Variants in AP3D1 observed in about 807,000 individuals in gnomAD.
AP3D1 encodes AP-3 complex subunit delta-1.
A neutral mutation model predicts 147.6 loss-of-function variants in AP3D1; 51 were observed. The observed-to-expected ratio is 0.35, with a 90% CI of 0.28 to 0.44. AP3D1 has a LOEUF of 0.44. Among genes scored for constraint, AP3D1 ranks in the 20% least tolerant of loss-of-function variants. The probability of loss-of-function intolerance (pLI) is 1.00; values close to 1 mark genes in which losing one functional copy is unlikely to be tolerated. For missense variants in AP3D1, 1,421 were observed against 1,624.2 expected (o/e 0.87, Z 2.15); for synonymous variants, 760 against 663.0 (o/e 1.15, Z -2.25).
At chr19:2,123,586 T>A (rs2018668663) in intron 10 of AP3D1, among the ~76,000 whole-genome samples, 180 bp from the exon 11 acceptor site, 1 of 152,094 alleles carries the variant, frequency 6.6e-6, no homozygotes, top group Non-Finnish European at 1.5e-5. Flanking sequence ...AGGGAGGCCC[T>A]GCTTCCCACG....
chr19:2,115,996 C>T (rs748347255), intron 18 of AP3D1, among the ~76,000 whole-genome samples: 5 of 152,244 alleles, frequency 3.3e-5, no homozygotes, highest in Admixed American at 6.5e-5. Flanking sequence ...GGCTGCCAGG[C>T]GCAGGGAACA....
intron 1 of AP3D1, among the ~76,000 whole-genome samples, chr19:2,157,480 C>T (rs1325552578): frequency 1.3e-5 from 2 of 148,882 alleles, no homozygotes; most frequent in African/African-American, 5.1e-5. Context: ...AAACATCTAC[C>T]CCACCTATCC....
At chr19:2,120,406 CGCAGGCAGGCTGGGGCTGA>C (rs1466752819) in intron 14 of AP3D1, among the ~76,000 whole-genome samples, 1 of 151,966 alleles carries the variant, frequency 6.6e-6, no homozygotes, top group African/African-American at 2.4e-5. Context: ...AGGGGCCTGG[CGCAGGCAGGCTGGGGCTGA>C]GCAGGTGCCT....
At chr19:2,158,778 C>T (rs1907979358) in intron 1 of AP3D1, among the ~76,000 whole-genome samples, 2 of 152,230 alleles carry the variant, frequency 1.3e-5, no homozygotes, top group African/African-American at 2.4e-5. Context: ...AATCTCCTTG[C>T]TAATCTGTTA....
At chr19:2,153,051 C>T (rs1599504271), upstream of AP3D1, among the ~76,000 whole-genome samples, 2 of 145,752 alleles carry the variant, frequency 1.4e-5, no homozygotes, top group African/African-American at 5.1e-5. Flanking sequence ...AGTCAGACAC[C>T]CATCTTAAAA....
chr19:2,134,284 G>A (rs2019022220), intron 4 of AP3D1, among the ~76,000 whole-genome samples: 2 of 151,904 alleles, frequency 1.3e-5, no homozygotes, highest in African/African-American at 4.8e-5. Flanking sequence ...AGCCAGGTGT[G>A]GTGGTGTATG....
chr19:2,105,571 G>A (rs1003777275), intron 31 of AP3D1, among the ~76,000 whole-genome samples: 1 of 152,216 alleles, frequency 6.6e-6, no homozygotes, highest in African/African-American at 2.4e-5. Flanking sequence ...GCTAATGACT[G>A]GCTTGCTGTT....
intron 9 of AP3D1, 107 bp from the exon 10 acceptor site, chr19:2,123,986 A>G: frequency 1.6e-6 from 2 of 1,256,112 alleles, no homozygotes; most frequent in Non-Finnish European, 2.3e-6. Context: ...GAGGGATGGG[A>G]GGGAGGACAG....
intron 11 of AP3D1, 60 bp downstream of exon 11, chr19:2,123,298 C>T: frequency 1.3e-6 from 2 of 1,535,656 alleles, no homozygotes; most frequent in Non-Finnish European, 1.8e-6. Context: ...ACTAGGAGGA[C>T]CCCTAACTTC....
In AP3D1 at chr19:2,123,866, C is replaced by G; in HGVS notation, c.870G>C (p.Leu290=). The part of the protein sequence containing the change: ...VNTVIAVLIS[L]SSGMPNHSAS... ...CGCTGTGGTTGGGCATGCCGGAGGA[C>G]AGCGAGATGAGCACTGCAACAGACA... Residue 290 remains leucine, a synonymous_variant, in exon 10 of 32, where the codon CTG becomes CTC. Transcript: ENST00000643116. The G allele has an allele frequency of 6.3e-7, 1 of 1,578,006 alleles. No individual in the cohort carries two copies. The highest frequency in any genetic ancestry group is 8.6e-7 in the Non-Finnish European group (1 of 1,162,134).
chr19:2,101,899 C>G lies in AP3D1; in HGVS notation c.*274G>C, dbSNP rs972283869. 3 of 450,894 alleles carry G rather than the reference C, an allele frequency of 6.7e-6. No individual in the cohort carries two copies. The highest frequency in any genetic ancestry group is 6.1e-5 in the African/African-American group (3 of 49,080). 27.9% of individuals were successfully genotyped at this position (450,894 alleles called of 1,614,324 possible). A position where few individuals can be genotyped will look rare whatever the true frequency, so the allele number is the denominator to read the frequency against. Reference sequence around the variant, plus strand: ...CAAGGACTCGGCCCCCAGCGCGGGGCAGGGCACAGACCCAGGTGGGGGAGT... The same window carrying G: ...CAAGGACTCGGCCCCCAGCGCGGGGGAGGGCACAGACCCAGGTGGGGGAGT... On this transcript the variant is annotated 3_prime_UTR_variant, in exon 32 of 32. Transcript: ENST00000643116.
intron 31 of AP3D1, among the ~76,000 whole-genome samples, chr19:2,106,816 G>A (rs1186205979): frequency 2.6e-5 from 4 of 152,184 alleles, no homozygotes; most frequent in East Asian, 1.9e-4. Context: ...GATACATTCC[G>A]TGTGGTTCCA....
At position 2,114,420 on chromosome 19, in the gene AP3D1, C is replaced by G. The variant is rs1034849767; in HGVS notation, c.2424-118G>C. 11 of 842,818 alleles carry G rather than the reference C, an allele frequency of 1.3e-5. No individual in the cohort carries two copies. The African/African-American group carries it at 1.7e-4, about 13-fold the overall frequency. 52.2% of individuals were successfully genotyped at this position (842,818 alleles called of 1,614,324 possible). On this transcript the variant is annotated intron_variant, in intron 21 of 31. Transcript: ENST00000643116. ...GGACCTGCTCCTCCAGCCCCTGGCCCCAGCCATGGCCCAACATAGATCTAC... is the reference window on the plus strand; with the variant it reads ...GGACCTGCTCCTCCAGCCCCTGGCCGCAGCCATGGCCCAACATAGATCTAC...
chr19:2,103,982 C>T (rs555441788), intron 31 of AP3D1, among the ~76,000 whole-genome samples: 1 of 152,036 alleles, frequency 6.6e-6, no homozygotes, highest in East Asian at 1.9e-4. Context: ...AACACCAAGA[C>T]ACTAACACCC....
At chr19:2,143,538 C>A (rs1407337748) in intron 1 of AP3D1, among the ~76,000 whole-genome samples, 1 of 151,998 alleles carries the variant, frequency 6.6e-6, no homozygotes, top group Non-Finnish European at 1.5e-5. Context: ...CCGTGCCAGG[C>A]CAAGCCTGCC....
chr19:2,151,167 C>A, intron 1 of AP3D1, 72 bp downstream of exon 1: 1 of 1,442,212 alleles, frequency 6.9e-7, no homozygotes. Flanking sequence ...CCGAGCAGGC[C>A]CAGTGAGCAG....
rs555353671 is a variant in AP3D1, at chr19:2,151,491, G to A, written c.-157C>T. ...GCGGCGGCGGGGTCCAAGGACCGCG[G>A]CAGAGGCGGCGACCCGCTCGGCAGG... On this transcript the variant is annotated 5_prime_UTR_variant, in exon 1 of 32. Coordinates refer to ENST00000643116, the MANE Select transcript of AP3D1 (RefSeq NM_001261826.3). The A allele has an allele frequency of 1.3e-5, 3 of 230,620 alleles. No individual in the cohort carries two copies. The highest frequency in any genetic ancestry group is 3.5e-4 in the East Asian group (2 of 5,784). The allele number at this position is 230,620 out of a possible 1,614,324, so 14.3% of individuals were successfully genotyped here.
chr19:2,122,341 C>G (rs1267102880), intron 11 of AP3D1, among the ~76,000 whole-genome samples: 1 of 152,230 alleles, frequency 6.6e-6, no homozygotes, highest in Non-Finnish European at 1.5e-5. Context: ...ATGCCACAAC[C>G]TAAGCCAGGG....
At chr19:2,126,670 AAGAAAG>A (rs2018766492) in intron 9 of AP3D1, among the ~76,000 whole-genome samples, 1 of 151,054 alleles carries the variant, frequency 6.6e-6, no homozygotes, top group African/African-American at 2.4e-5. Context: ...AAAAAAAAAA[AAGAAAG>A]AAAAAGAAAA....
Sources: allele counts gnomAD v4.1 joint callset (sites outside exome capture counted in the v4.1 genomes callset), GRCh38; gene constraint gnomAD v4.1.1; transcripts MANE v1.5; gene names NCBI Gene and HGNC (gene_info 2026-07-23, HGNC 2026-07-21).